The following HSDL2 variants were observed in gnomAD, a reference collection of about 807,000 sequenced individuals.
HSDL2 encodes the protein hydroxysteroid dehydrogenase like 2.
Under a neutral mutation model 46.3 loss-of-function variants are expected in HSDL2, and 27 were observed. The ratio of observed to expected loss-of-function variants is 0.58; its 90% confidence interval spans 0.43 to 0.80. The LOEUF is 0.80. Among genes scored for constraint, HSDL2 ranks in the 30% least tolerant of loss-of-function variants. HSDL2 has a pLI of 0.00. For missense variants in HSDL2, 451 were observed against 502.7 expected (o/e 0.90, Z 0.98); for synonymous variants, 153 against 163.6 (o/e 0.94, Z 0.50).
chr9:112,432,046 A>AT (rs1832419383), intron 6 of HSDL2, among the ~76,000 whole-genome samples: 1 of 151,790 alleles, frequency 6.6e-6, no homozygotes, highest in African/African-American at 2.4e-5. Context: ...CACCTGGCTA[A>AT]TTTTTTTGTA....
In HSDL2 at chr9:112,419,377, A is replaced by G. The variant is rs535574426; in HGVS notation, c.598+419A>G. ...ATGTAGACTGTTAATACTAACTTCA[A>G]TCTGTTTGTTGGGAAACAAGTTCAA... On this transcript the variant is annotated intron_variant, in intron 6 of 10. Coordinates refer to ENST00000398805, the MANE Select transcript of HSDL2 (RefSeq NM_032303.5). Among the ~76,000 whole-genome samples the G allele has an allele frequency of 4.6e-5, 7 of 152,266 alleles. No individual in the cohort carries two copies. In the South Asian group the frequency reaches 1.5e-3, roughly 32 times the overall value.
chr9:112,442,717 T>C (rs1158066700), intron 8 of HSDL2, among the ~76,000 whole-genome samples: 2 of 152,280 alleles, frequency 1.3e-5, no homozygotes, highest in African/African-American at 4.8e-5. Context: ...ACCTTATTTT[T>C]ATCTTATAGA....
intron 6 of HSDL2, among the ~76,000 whole-genome samples, chr9:112,432,450 T>C (rs1832428722): frequency 1.3e-5 from 2 of 152,230 alleles, no homozygotes; most frequent in Non-Finnish European, 2.9e-5. Context: ...TCAATAAATA[T>C]TTGATGAGTG....
At chr9:112,433,030 C>T (rs1832444184) in intron 6 of HSDL2, among the ~76,000 whole-genome samples, 1 of 152,136 alleles carries the variant, frequency 6.6e-6, no homozygotes. Flanking sequence ...CCACCTCAGC[C>T]TCCCAAAGTG....
chr9:112,438,228 A>G (rs1285124506), intron 6 of HSDL2, among the ~76,000 whole-genome samples: 2 of 152,240 alleles, frequency 1.3e-5, no homozygotes, highest in Non-Finnish European at 2.9e-5. Context: ...ACAGTGCAAG[A>G]CTGTCTCAAA....
At chr9:112,441,293 C>T (rs1267566684) in intron 7 of HSDL2, among the ~76,000 whole-genome samples, 1 of 151,984 alleles carries the variant, frequency 6.6e-6, no homozygotes, top group African/African-American at 2.4e-5. Flanking sequence ...AGAGAAGAGA[C>T]CCAAGTGCAC....
At chr9:112,431,648 G>A (rs1408328507) in intron 6 of HSDL2, among the ~76,000 whole-genome samples, 1 of 152,104 alleles carries the variant, frequency 6.6e-6, no homozygotes, top group Admixed American at 6.6e-5. Context: ...ACCATAGTGA[G>A]TGAGTTCTCA....
intron 3 of HSDL2, among the ~76,000 whole-genome samples, chr9:112,407,560 G>A (rs988061950): frequency 2.6e-5 from 4 of 152,008 alleles, no homozygotes; most frequent in Non-Finnish European, 5.9e-5. Flanking sequence ...GGGACTATAG[G>A]TGCCCACCAC....
At chr9:112,399,922 G>A (rs1831550120) in intron 1 of HSDL2, among the ~76,000 whole-genome samples, 3 of 152,204 alleles carry the variant, frequency 2.0e-5, no homozygotes, top group African/African-American at 7.2e-5. Context: ...CAGTGGTCCT[G>A]AGGTGACGTA....
intron 6 of HSDL2, among the ~76,000 whole-genome samples, chr9:112,425,908 G>A (rs989048438): frequency 6.6e-6 from 1 of 151,600 alleles, no homozygotes; most frequent in Admixed American, 6.6e-5. Flanking sequence ...TTCAGTTTTT[G>A]TGTGTATGTG....
chr9:112,440,414 A>T (rs1484644521), intron 7 of HSDL2, among the ~76,000 whole-genome samples: 1 of 151,902 alleles, frequency 6.6e-6, no homozygotes, highest in Non-Finnish European at 1.5e-5. Flanking sequence ...AAAAAAAAAA[A>T]GAGAGAAAAG....
In HSDL2 at chr9:112,470,683, T is replaced by A; in HGVS notation, c.*139T>A. Reference sequence around the variant, plus strand: ...TTCTGGAAAAGATAGAATTTGTCTCTAAAAGACTTGAAATTGTAATTAAAA... The same window carrying A: ...TTCTGGAAAAGATAGAATTTGTCTCAAAAAGACTTGAAATTGTAATTAAAA... On this transcript the variant is annotated 3_prime_UTR_variant, in exon 11 of 11. Coordinates refer to ENST00000398805, the MANE Select transcript of HSDL2 (RefSeq NM_032303.5). The A allele has an allele frequency of 1.9e-6, 1 of 529,100 alleles. No individual in the cohort carries two copies. The highest frequency in any genetic ancestry group is 3.3e-6 in the Non-Finnish European group (1 of 301,728). The allele number at this position is 529,100 out of a possible 1,614,324, so 32.8% of individuals were successfully genotyped here. A position where few individuals can be genotyped will look rare whatever the true frequency, so the allele number is the denominator to read the frequency against.
At position 112,438,637 on chromosome 9, in the gene HSDL2, A is replaced by AAAAAC; in HGVS notation, c.793+12_793+13insAAAAC. ...TGCAATTAAACCAGGTAATGCTTTT[A>AAAAAC]TAGTTTTTAAAAGTAGTGATACGTT... On this transcript the variant is annotated intron_variant, in intron 7 of 10. Coordinates refer to ENST00000398805, the MANE Select transcript of HSDL2 (RefSeq NM_032303.5). 1.4e-6 allele frequency: 2 copies of AAAAAC among 1,470,472 alleles called. No individual in the cohort carries two copies. Among genetic ancestry groups the AAAAAC allele is most frequent in the Non-Finnish European group, 1.9e-6 (2 of 1,072,974 alleles). 91.1% of individuals were successfully genotyped at this position (1,470,472 alleles called of 1,614,324 possible).
At chr9:112,442,092 T>A (rs1832650313) in intron 8 of HSDL2, among the ~76,000 whole-genome samples, 1 of 150,624 alleles carries the variant, frequency 6.6e-6, no homozygotes, top group Admixed American at 6.6e-5. Context: ...CGAAACCCCG[T>A]CTCTACAAAA....
chr9:112,409,043 T>G (rs774183153), intron 4 of HSDL2, 22 bp downstream of exon 4: 1 of 1,358,288 alleles, frequency 7.4e-7, no homozygotes, highest in Admixed American at 1.8e-5. Flanking sequence ...AGAAGAGTTG[T>G]TGGGGAGGAA....
Position 112,399,007 on chromosome 9 carries a change from G to A in HSDL2, c.18-4988G>A, listed in dbSNP as rs145669483. ...AGCCGAACAAGCGTTTCTGTGAACC[G>A]GACCAATGAACGTTTCTATGCACGT... is the stretch of plus-strand genomic sequence containing the variant. On this transcript the variant is annotated intron_variant, in intron 1 of 10. Coordinates refer to ENST00000398805, the MANE Select transcript of HSDL2 (RefSeq NM_032303.5). 6.1e-3 allele frequency among the ~76,000 whole-genome samples: 930 copies of A among 152,222 alleles called. 10 individuals carry two copies. The highest frequency in any genetic ancestry group is 0.02 in the African/African-American group (845 of 41,516).
At chr9:112,388,998 G>A (rs1831279671) in intron 1 of HSDL2, among the ~76,000 whole-genome samples, 1 of 151,798 alleles carries the variant, frequency 6.6e-6, no homozygotes, top group African/African-American at 2.4e-5. Flanking sequence ...AGATACATGA[G>A]AGACCAAGCT....
At chr9:112,437,605 GAGGCGAAACA>G (rs980889945) in intron 6 of HSDL2, among the ~76,000 whole-genome samples, 1 of 152,124 alleles carries the variant, frequency 6.6e-6, no homozygotes, top group African/African-American at 2.4e-5. Context: ...AGGTGTTAAA[GAGGCGAAACA>G]AGCTCTCTTC....
intron 1 of HSDL2, among the ~76,000 whole-genome samples, chr9:112,392,471 A>G (rs1831367303): frequency 6.6e-6 from 1 of 152,100 alleles, no homozygotes; most frequent in Non-Finnish European, 1.5e-5. Flanking sequence ...CCTTATCTCA[A>G]CTGCATAAGA....
Sources: gnomAD v4.1 joint callset for allele counts (sites outside exome capture counted in the v4.1 genomes callset) on GRCh38, gnomAD v4.1.1 for gene constraint, MANE v1.5 for transcripts, NCBI Gene and HGNC (gene_info 2026-07-23, HGNC 2026-07-21) for gene names.